The following MKRN2OS variants were observed in gnomAD, a reference collection of about 807,000 sequenced individuals.
MKRN2OS encodes MKRN2 opposite strand.
A neutral mutation model predicts 18.2 loss-of-function variants in MKRN2OS; 17 were observed. That is an observed-to-expected ratio of 0.93 (90% confidence interval 0.64 to 1.40). MKRN2OS has a LOEUF of 1.40. Ranked by LOEUF, MKRN2OS falls within the 40% of genes most tolerant of loss-of-function variation. MKRN2OS has a pLI of 0.00. For synonymous variants in MKRN2OS, 121 were observed against 108.5 expected (o/e 1.12, Z -0.72); for missense variants, 337 against 283.0 (o/e 1.19, Z -1.37).
intron 1 of MKRN2OS, chr3:12,557,150 C>A: frequency 6.5e-7 from 1 of 1,528,890 alleles, no homozygotes; most frequent in East Asian, 2.6e-5. Context: ...GCCCAGCCAC[C>A]ATGAGCACCA....
Position 12,545,427 on chromosome 3 carries a change from A to G in MKRN2OS, c.38T>C (p.Phe13Ser). ...CAEAGKALIKFNHCEKYIYSF... is the reference protein window; with the variant it reads ...CAEAGKALIKSNHCEKYIYSF... ...GTAGATGTATTTCTCACAGTGGTTGAATTTAATTAAAGCCTTCCCAGCCTC... is the reference window on the plus strand; with the variant it reads ...GTAGATGTATTTCTCACAGTGGTTGGATTTAATTAAAGCCTTCCCAGCCTC... The change falls in exon 1 of 4, where the codon TTC (phenylalanine) becomes TCC (serine). Residue 13 changes from phenylalanine to serine, a missense_variant. Phe to Ser is a radical substitution (Grantham distance 155). Transcript: ENST00000564146. 1.3e-6 allele frequency: 2 copies of G among 1,534,970 alleles called. No homozygotes were observed. Among genetic ancestry groups the G allele is most frequent in the Non-Finnish European group, 1.7e-6 (2 of 1,146,498 alleles).
intron 1 of MKRN2OS, among the ~76,000 whole-genome samples, chr3:12,555,827 C>T (rs1161912580): frequency 8.5e-5 from 13 of 152,162 alleles, no homozygotes; most frequent in Admixed American, 7.9e-4. Flanking sequence ...CTCCTTACTC[C>T]AGCATTTTGA....
At chr3:12,546,252 A>G (rs1039761199), upstream of MKRN2OS, among the ~76,000 whole-genome samples, 2 of 152,158 alleles carry the variant, frequency 1.3e-5, no homozygotes, top group Non-Finnish European at 2.9e-5. Flanking sequence ...ATTTTATATT[A>G]TAAAAGTAAT....
Position 12,545,416 on chromosome 3 carries a change from C to CT in MKRN2OS, c.48_49insA (p.Glu17ArgfsTer31). 1 of 1,535,392 alleles carries CT rather than the reference C, an allele frequency of 6.5e-7. No homozygotes were observed. The highest frequency in any genetic ancestry group is 8.7e-7 in the Non-Finnish European group (1 of 1,146,652). On this transcript the variant is annotated frameshift_variant, in exon 1 of 4. Coordinates refer to ENST00000564146, the MANE Select transcript of MKRN2OS (RefSeq NM_001195279.2). LOFTEE classifies it high-confidence loss of function. ...ACACTGAAGCTGTAGATGTATTTCT[C>CT]ACAGTGGTTGAATTTAATTAAAGCC...
At chr3:12,552,043 G>C (rs564109599), downstream of MKRN2OS, among the ~76,000 whole-genome samples, 6 of 152,094 alleles carry the variant, frequency 3.9e-5, no homozygotes, top group African/African-American at 1.4e-4. Flanking sequence ...AAGAAGGCTG[G>C]GCACGGTGGC....
intron 1 of MKRN2OS, among the ~76,000 whole-genome samples, chr3:12,559,653 A>G (rs1031291088): frequency 2.0e-5 from 3 of 152,210 alleles, no homozygotes; most frequent in African/African-American, 7.2e-5. Flanking sequence ...CTGGAGTGGT[A>G]AAAATGACTG....
chr3:12,557,829 C>T (rs116200211), intron 1 of MKRN2OS, among the ~76,000 whole-genome samples: 4,717 of 152,286 alleles, frequency 0.031, 246 homozygotes, highest in African/African-American at 0.11. Flanking sequence ...AAGACGTTGA[C>T]ACTCATTTAT....
downstream of MKRN2OS, among the ~76,000 whole-genome samples, chr3:12,552,454 C>T (rs879184653): frequency 6.7e-6 from 1 of 148,688 alleles, no homozygotes; most frequent in Non-Finnish European, 1.5e-5. Context: ...CTCTGTCGTC[C>T]AGGCTGGAGT....
intron 3 of MKRN2OS, among the ~76,000 whole-genome samples, chr3:12,541,093 G>C (rs1415462063): frequency 6.6e-6 from 1 of 151,606 alleles, no homozygotes; most frequent in African/African-American, 2.4e-5. Flanking sequence ...AACTTATTTC[G>C]GGGGAAACCT....
chr3:12,560,333 C>T (rs2058025906), intron 1 of MKRN2OS, among the ~76,000 whole-genome samples: 1 of 152,116 alleles, frequency 6.6e-6, no homozygotes, highest in Non-Finnish European at 1.5e-5. Flanking sequence ...CCACACTGTA[C>T]TTCATTTCAT....
In MKRN2OS at chr3:12,540,363, C is replaced by A. The variant is rs1017503969; in HGVS notation, c.502G>T (p.Gly168Cys). ...TCACCCTTGTCCAGTTGCTGTCTAC[C>A]TTCTGCCATCAGAACGCAGTTAATG... ...TFINCVLMAE[G>C]RQQLDKGEFT... The change falls in exon 4 of 4, where the codon GGT becomes TGT. Residue 168 changes from glycine (G) to cysteine (C), a missense_variant. Transcript: ENST00000564146. 5 of 1,536,000 alleles carry A rather than the reference C, an allele frequency of 3.3e-6. No individual in the cohort carries two copies. In the African/African-American group the frequency reaches 6.8e-5, roughly 21 times the overall value.
In MKRN2OS at chr3:12,544,125, T is replaced by C. The variant is rs917380834; in HGVS notation, c.219-896A>G. 4.6e-5 allele frequency among the ~76,000 whole-genome samples: 7 copies of C among 152,008 alleles called. 1 individual carries two copies. Among genetic ancestry groups the C allele is most frequent in the East Asian group, 3.9e-4 (2 of 5,180 alleles). ...CATACTTTGGTTCATTTAATCCTCA[T>C]AGGGACCAGAAGGAAATTAAGGAAG... On this transcript the variant is annotated intron_variant, in intron 1 of 3. Coordinates refer to ENST00000564146, the MANE Select transcript of MKRN2OS (RefSeq NM_001195279.2).
upstream of MKRN2OS, among the ~76,000 whole-genome samples, chr3:12,548,391 T>C (rs1010174428): frequency 1.2e-4 from 11 of 88,632 alleles, no homozygotes; most frequent in African/African-American, 1.0e-3. Context: ...GAGCTTGCAG[T>C]GAGCCGAGAT....
rs180792213 is a variant in MKRN2OS at position 12,545,364 on chromosome 3, T to C, written c.101A>G (p.Gln34Arg). The change falls in exon 1 of 4, where the codon CAG becomes CGG. Residue 34 changes from glutamine to arginine, a missense_variant. Gln to Arg is a conservative substitution (Grantham distance 43). Transcript: ENST00000564146. ...CTCCAGCTTCCTCGAGCCCAGGTCC[T>C]GCTGGCAGAGAGGGCAGCACTGGGG... Reference protein sequence around the residue: ...SVPQCCPLCQQDLGSRKLEDA... With the variant: ...SVPQCCPLCQRDLGSRKLEDA... 1,417 of 1,536,122 alleles carry C rather than the reference T, an allele frequency of 9.2e-4. 21 individuals carry two copies. The highest frequency in any genetic ancestry group is 1.1e-4 in the Non-Finnish European group (127 of 1,146,896).
upstream of MKRN2OS, among the ~76,000 whole-genome samples, chr3:12,548,434 C>T (rs996040586): frequency 7.4e-6 from 1 of 135,876 alleles, no homozygotes; most frequent in Non-Finnish European, 1.6e-5. Flanking sequence ...GGCGACAGAG[C>T]GAGACTCCGT....
chr3:12,556,109 A>T (rs2057968018), intron 1 of MKRN2OS, among the ~76,000 whole-genome samples: 1 of 152,222 alleles, frequency 6.6e-6, no homozygotes, highest in South Asian at 2.1e-4. Context: ...AACCATTGTA[A>T]GATTAAAAGG....
chr3:12,545,562 A>G (rs1038486573), upstream of MKRN2OS: 58 of 913,634 alleles, frequency 6.3e-5, no homozygotes, highest in South Asian at 4.7e-4. Flanking sequence ...AACCTGATCA[A>G]TGGTGATGTC....
intron 1 of MKRN2OS, among the ~76,000 whole-genome samples, chr3:12,560,056 A>G (rs969136127): frequency 1.4e-4 from 21 of 152,212 alleles, no homozygotes; most frequent in Non-Finnish European, 2.5e-4. Flanking sequence ...CTGTGCAACA[A>G]CTGCCTCATC....
chr3:12,541,833 G>A (rs777445726), intron 3 of MKRN2OS, 27 bp downstream of exon 3: 8 of 1,530,054 alleles, frequency 5.2e-6, no homozygotes, highest in East Asian at 4.9e-5. Context: ...GAGTGTCAGC[G>A]AGGGGGCAGC....
Sources: gnomAD v4.1 joint callset for allele counts (sites outside exome capture counted in the v4.1 genomes callset) on GRCh38, gnomAD v4.1.1 for gene constraint, MANE v1.5 for transcripts, NCBI Gene and HGNC (gene_info 2026-07-23, HGNC 2026-07-21) for gene names.